Variants in IMMP2L observed in about 807,000 individuals in gnomAD.
IMMP2L encodes inner mitochondrial membrane peptidase subunit 2.
IMMP2L carries 18 observed loss-of-function variants against 19.3 expected under a neutral mutation model. That is an observed-to-expected ratio of 0.93 (90% confidence interval 0.64 to 1.38). The LOEUF is 1.38. IMMP2L is among the 40% of genes most tolerant of loss of function. The pLI is 0.00. For synonymous variants in IMMP2L, 76 were observed against 73.0 expected (o/e 1.04, Z -0.21); for missense variants, 233 against 218.2 (o/e 1.07, Z -0.43).
intron 5 of IMMP2L, among the ~76,000 whole-genome samples, chr7:110,833,760 C>A: frequency 6.6e-6 from 1 of 152,300 alleles, no homozygotes; most frequent in African/African-American, 2.4e-5. Flanking sequence ...ACTCAGCTGT[C>A]TAAGTGCATC....
intron 5 of IMMP2L, among the ~76,000 whole-genome samples, chr7:110,852,932 A>G (rs1806387081): frequency 6.6e-6 from 1 of 152,046 alleles, no homozygotes; most frequent in African/African-American, 2.4e-5. Flanking sequence ...ACAAAAGTGG[A>G]GCAGAGCTGC....
chr7:110,745,670 G>A (rs1375092168), intron 5 of IMMP2L, among the ~76,000 whole-genome samples: 1 of 152,126 alleles, frequency 6.6e-6, no homozygotes, highest in South Asian at 2.1e-4. Context: ...AAGTGAAGGA[G>A]AAATAAAATC....
Position 111,123,595 on chromosome 7 carries a change from A to T in IMMP2L, c.240-160030T>A. The T allele has an allele frequency of 6.2e-7, 1 of 1,613,198 alleles. No individual in the cohort carries two copies. Among genetic ancestry groups the T allele is most frequent in the Non-Finnish European group, 8.5e-7 (1 of 1,179,366 alleles). On this transcript the variant is annotated intron_variant, in intron 3 of 5. Coordinates refer to ENST00000405709, the MANE Select transcript of IMMP2L (RefSeq NM_032549.4). This position sits in a 1 kb window ranked among gnomAD's most constrained non-coding sequence, Gnocchi z 6.4. Reference sequence around the variant, plus strand: ...TCTAAATAAAAATCCTATTAATAGAATACGAAGGGGTGATTTTAGCAATAT... The same window carrying T: ...TCTAAATAAAAATCCTATTAATAGATTACGAAGGGGTGATTTTAGCAATAT...
At chr7:111,300,149 G>A (rs1822066347) in intron 3 of IMMP2L, among the ~76,000 whole-genome samples, 1 of 152,188 alleles carries the variant, frequency 6.6e-6, no homozygotes, top group Non-Finnish European at 1.5e-5. Flanking sequence ...TCAAATGCCT[G>A]TAACAAGTAT....
intron 3 of IMMP2L, among the ~76,000 whole-genome samples, chr7:111,174,616 C>A (rs913209316): frequency 1.3e-5 from 2 of 151,628 alleles, no homozygotes; most frequent in East Asian, 1.9e-4. Flanking sequence ...TCAAAAAATT[C>A]TATTACCGTA....
chr7:110,742,359 A>C (rs1797041161), intron 5 of IMMP2L, among the ~76,000 whole-genome samples: 1 of 152,200 alleles, frequency 6.6e-6, no homozygotes, highest in Admixed American at 6.5e-5. Flanking sequence ...CTATGATATC[A>C]TGAAAATTTT....
chr7:110,852,442 G>A (rs1206701312), intron 5 of IMMP2L, among the ~76,000 whole-genome samples: 1 of 151,946 alleles, frequency 6.6e-6, no homozygotes. Flanking sequence ...TGGCCAGAAT[G>A]GTACCTGCAC....
intron 5 of IMMP2L, among the ~76,000 whole-genome samples, chr7:110,850,028 T>C (rs1806039541): frequency 6.6e-6 from 1 of 152,002 alleles, no homozygotes; most frequent in Non-Finnish European, 1.5e-5. Context: ...GGAAAGTATG[T>C]AGAAGATAAT....
intron 3 of IMMP2L, among the ~76,000 whole-genome samples, chr7:111,217,423 A>C (rs1370452417): frequency 6.6e-6 from 1 of 152,096 alleles, no homozygotes; most frequent in Non-Finnish European, 1.5e-5. Context: ...AAGAAGTGGT[A>C]AGAAAGATGG....
intron 5 of IMMP2L, among the ~76,000 whole-genome samples, chr7:110,783,984 A>G (rs544516671): frequency 3.3e-4 from 50 of 152,020 alleles, no homozygotes; most frequent in Admixed American, 6.6e-4. Flanking sequence ...AAAATCAAGT[A>G]CTATTAATTT....
Position 111,402,997 on chromosome 7 carries a change from C to G in IMMP2L, c.239+84241G>C, listed in dbSNP as rs541901050. On this transcript the variant is annotated intron_variant, in intron 3 of 5. Transcript: ENST00000405709. ...TCGGCTCACTGCAGCCTTGACCCCC[C>G]CCCCCCACCCCGCCAGGCTCAGGTG... is the stretch of plus-strand genomic sequence containing the variant. 3.5e-3 allele frequency among the ~76,000 whole-genome samples: 338 copies of G among 96,544 alleles called. 7 individuals are homozygous for G. Among genetic ancestry groups the G allele is most frequent in the Middle Eastern group, 0.015 (3 of 200 alleles). The allele number at this position is 96,544 out of a possible 152,430, so 63.3% of individuals were successfully genotyped here.
At chr7:110,784,899 A>T (rs184523736) in intron 5 of IMMP2L, among the ~76,000 whole-genome samples, 1 of 152,090 alleles carries the variant, frequency 6.6e-6, no homozygotes, top group African/African-American at 2.4e-5. Context: ...CACAGAGATT[A>T]TACTCACTGA....
chr7:111,041,567 C>A (rs2129570988), intron 3 of IMMP2L, among the ~76,000 whole-genome samples: 1 of 151,164 alleles, frequency 6.6e-6, no homozygotes, highest in East Asian at 1.9e-4. Context: ...TAGCGTTTTC[C>A]TGAATCTGTT....
chr7:111,124,017 G>A (rs1371536469), intron 3 of IMMP2L: 2 of 1,614,090 alleles, frequency 1.2e-6, no homozygotes, highest in Non-Finnish European at 1.7e-6. Flanking sequence ...TCAGGGACAT[G>A]ATGGAAATTT....
chr7:111,556,713 T>C (rs1791405910), intron 1 of IMMP2L, among the ~76,000 whole-genome samples: 8 of 152,184 alleles, frequency 5.3e-5, no homozygotes, highest in Admixed American at 5.2e-4. Context: ...AATTTTTACA[T>C]TCTCTAAGAC....
intron 3 of IMMP2L, among the ~76,000 whole-genome samples, chr7:111,046,954 C>T (rs7801913): frequency 0.95 from 144,002 of 152,072 alleles, 68,310 homozygotes; most frequent in East Asian, 0.99. Context: ...AAATAAAAAC[C>T]AGGGCCCATG....
At chr7:111,054,015 C>G (rs757772049) in intron 3 of IMMP2L, among the ~76,000 whole-genome samples, 11 of 147,594 alleles carry the variant, frequency 7.5e-5, no homozygotes, top group Non-Finnish European at 1.3e-4. Context: ...TGAGAAGAAT[C>G]AATGAATTGG....
chr7:110,671,427 C>T (rs961355120), intron 5 of IMMP2L, among the ~76,000 whole-genome samples: 1 of 152,076 alleles, frequency 6.6e-6, no homozygotes, highest in African/African-American at 2.4e-5. Context: ...TTCCTGCTTC[C>T]CACTTTAGCA....
chr7:111,460,447 A>G (rs923682070), intron 3 of IMMP2L, among the ~76,000 whole-genome samples: 1 of 151,860 alleles, frequency 6.6e-6, no homozygotes, highest in Non-Finnish European at 1.5e-5. Context: ...TTAGAAAGAA[A>G]GAACAAAAGA....
Sources: allele counts gnomAD v4.1 joint callset (sites outside exome capture counted in the v4.1 genomes callset), GRCh38; gene constraint gnomAD v4.1.1; non-coding constraint Gnocchi (gnomAD v3.1); transcripts MANE v1.5; gene names NCBI Gene and HGNC (gene_info 2026-07-23, HGNC 2026-07-21).